GYS2: variants seen among roughly 807,000 people sequenced by gnomAD.
GYS2 encodes the protein glycogen synthase 2, also known as glycogen [starch] synthase, liver.
In GYS2, 80 loss-of-function variants were observed where a neutral mutation model predicts 85.6. The ratio of observed to expected loss-of-function variants is 0.93; its 90% CI spans 0.78 to 1.13. The LOEUF (loss-of-function observed/expected upper bound fraction) is 1.13. Among genes scored for constraint, GYS2 ranks in the 50% most tolerant of loss-of-function variants. GYS2 has a pLI of 0.00. For missense variants in GYS2, 881 were observed against 854.9 expected, an observed-to-expected ratio of 1.03 and a Z score of -0.38; for synonymous variants, 328 against 300.7, an observed-to-expected ratio of 1.09 and a Z score of -0.94.
At chr12:21,584,198 G>T (rs1276016673) in intron 1 of GYS2, among the ~76,000 whole-genome samples, 1 of 152,200 alleles carries the variant, frequency 6.6e-6, no homozygotes, top group African/African-American at 2.4e-5. Flanking sequence ...AGGAGAAATG[G>T]CCAGATTTGC....
At chr12:21,573,900 A>G (rs966722519) in intron 4 of GYS2, among the ~76,000 whole-genome samples, 1 of 152,212 alleles carries the variant, frequency 6.6e-6, no homozygotes, top group Admixed American at 6.5e-5. Flanking sequence ...TCCCTCTGGA[A>G]CTATTGTTCC....
chr12:21,574,130 G>C lies in GYS2; in HGVS notation c.678+14C>G, dbSNP rs1445120010. 1.3e-6 allele frequency: 2 copies of C among 1,581,168 alleles called. No individual in the cohort carries two copies. The highest frequency in any genetic ancestry group is 1.7e-6 in the Non-Finnish European group (2 of 1,150,136). ...AGAAGGGTGAGTAAGAGGGAGGGAG[G>C]AAGGAATATTTACCTTATCAAGATG... On this transcript the variant is annotated intron_variant, in intron 4 of 15. Coordinates refer to ENST00000261195, the MANE Select transcript of GYS2 (RefSeq NM_021957.4).
In GYS2 at chr12:21,577,769, T is replaced by C. The variant is rs1458906537; in HGVS notation, c.304-1712A>G. The stretch of plus-strand genomic sequence containing the variant: ...TTTTCACCCCCAGAAACTATATTCC[T>C]GGGATGAGTAGGAAGGAAAGTTACT... On this transcript the variant is annotated intron_variant, in intron 2 of 15. Transcript: ENST00000261195. 3.3e-5 allele frequency among the ~76,000 whole-genome samples: 5 copies of C among 152,286 alleles called. No individual in the cohort carries two copies. The East Asian group carries it at 9.7e-4, about 29-fold the overall frequency.
At chr12:21,546,647 C>T (rs1262183893) in intron 11 of GYS2, among the ~76,000 whole-genome samples, 177 bp from the exon 12 acceptor site, 1 of 152,186 alleles carries the variant, frequency 6.6e-6, no homozygotes, top group Admixed American at 6.5e-5. Flanking sequence ...TTGTTCTCCT[C>T]TCTCCATTCT....
intron 1 of GYS2, among the ~76,000 whole-genome samples, chr12:21,600,410 G>GA (rs2136937761): frequency 6.6e-6 from 1 of 152,222 alleles, no homozygotes; most frequent in African/African-American, 2.4e-5. Context: ...TTACAGGTGT[G>GA]AATCACCATG....
At chr12:21,595,017 T>C (rs976498023) in intron 1 of GYS2, among the ~76,000 whole-genome samples, 1 of 152,086 alleles carries the variant, frequency 6.6e-6, no homozygotes, top group African/African-American at 2.4e-5. Context: ...GTTCAAGAAA[T>C]GGTGCTGAAA....
intron 11 of GYS2, among the ~76,000 whole-genome samples, chr12:21,556,775 C>G (rs982146422): frequency 6.6e-6 from 1 of 152,176 alleles, no homozygotes; most frequent in Non-Finnish European, 1.5e-5. Context: ...CTTTCTTACT[C>G]CCAGTATCCA....
At chr12:21,581,173 C>T (rs1005549519) in intron 1 of GYS2, among the ~76,000 whole-genome samples, 7 of 152,190 alleles carry the variant, frequency 4.6e-5, no homozygotes, top group African/African-American at 1.4e-4. Flanking sequence ...GTATTTCTCT[C>T]TTCCTAGTAA....
At chr12:21,537,397 TATATAC>T in intron 15 of GYS2, 1 of 568,452 alleles carries the variant, frequency 1.8e-6, no homozygotes, top group South Asian at 2.1e-5. Context: ...TGCTAAGTGT[TATATAC>T]ATATTATTAT....
At position 21,568,978 on chromosome 12, in the gene GYS2, T is replaced by C. The variant is rs765197647; in HGVS notation, c.710A>G (p.Gln237Arg). The C allele has an allele frequency of 6.2e-7, 1 of 1,614,128 alleles. No individual in the cohort carries two copies. The highest frequency in any genetic ancestry group is 8.5e-7 in the Non-Finnish European group (1 of 1,179,952). Reference sequence around the variant, plus strand: ...CTCCATGCAGTACCGGTGGTAAATCTGCCTTTCCCCAGCCTCTTTGTCAAT... The same window carrying C: ...CTCCATGCAGTACCGGTGGTAAATCCGCCTTTCCCCAGCCTCTTTGTCAAT... ...FNIDKEAGERQIYHRYCMERA... is the reference protein window; with the variant it reads ...FNIDKEAGERRIYHRYCMERA... The change falls in exon 5 of 16, where the codon CAG (glutamine) becomes CGG (arginine). Residue 237 changes from glutamine to arginine, a missense_variant. Coordinates refer to ENST00000261195, the MANE Select transcript of GYS2 (RefSeq NM_021957.4).
At chr12:21,541,273 AAAAAAAAAAAAAAAAAAAC>A (rs1345701957) in intron 13 of GYS2, among the ~76,000 whole-genome samples, 1 of 136,942 alleles carries the variant, frequency 7.3e-6, no homozygotes, top group Non-Finnish European at 1.6e-5. Flanking sequence ...GTTTCCAAAA[AAAAAAAAAAAAAAAAAAAC>A]AAAAAACCCA....
intron 1 of GYS2, among the ~76,000 whole-genome samples, chr12:21,594,449 C>G (rs181207259): frequency 1.3e-5 from 2 of 152,212 alleles, no homozygotes; most frequent in East Asian, 3.9e-4. Flanking sequence ...TGTTTCTACA[C>G]ACCAATAATA....
At chr12:21,565,265 A>T (rs985387332) in intron 5 of GYS2, among the ~76,000 whole-genome samples, 1 of 150,718 alleles carries the variant, frequency 6.6e-6, no homozygotes, top group Non-Finnish European at 1.5e-5. Flanking sequence ...AGAGATAGAT[A>T]ATTTTAGTGT....
chr12:21,537,669 T>C (rs1345428248), intron 15 of GYS2, among the ~76,000 whole-genome samples: 3 of 152,240 alleles, frequency 2.0e-5, no homozygotes, highest in African/African-American at 7.2e-5. Flanking sequence ...ATGCCATGGA[T>C]GGCCACCACT....
intron 7 of GYS2, among the ~76,000 whole-genome samples, chr12:21,562,415 A>G (rs1348397942): frequency 2.6e-5 from 4 of 152,122 alleles, no homozygotes; most frequent in African/African-American, 9.7e-5. Flanking sequence ...GAGGAGAGTG[A>G]TGGTCAGAGC....
chr12:21,571,258 T>G lies in GYS2; in HGVS notation c.679-2249A>C, dbSNP rs367861932. Among the ~76,000 whole-genome samples, 243 of 152,306 alleles carry G rather than the reference T, an allele frequency of 1.6e-3. 13 individuals are homozygous for G. The South Asian group carries it at 0.049, about 30-fold the overall frequency. The stretch of plus-strand genomic sequence containing the variant: ...TTAGGTCTGTAGTACGCGTGGCCAC[T>G]CCTGTGGCTTTACAGAAACCTTATC... On this transcript the variant is annotated intron_variant, in intron 4 of 15. Coordinates refer to ENST00000261195, the MANE Select transcript of GYS2 (RefSeq NM_021957.4).
chr12:21,544,980 A>G (rs1282793409), intron 12 of GYS2, among the ~76,000 whole-genome samples: 2 of 152,182 alleles, frequency 1.3e-5, no homozygotes, highest in Admixed American at 6.5e-5. Flanking sequence ...ATAAAGATGC[A>G]AATAATAGAA....
At chr12:21,544,150 G>C (rs1379913283) in intron 12 of GYS2, among the ~76,000 whole-genome samples, 2 of 152,138 alleles carry the variant, frequency 1.3e-5, no homozygotes, top group Non-Finnish European at 2.9e-5. Context: ...AAAAACATTA[G>C]CAAGTTATCT....
At chr12:21,559,585 C>T (rs1944226238) in intron 9 of GYS2, 66 bp downstream of exon 9, 1 of 900,454 alleles carries the variant, frequency 1.1e-6, no homozygotes, top group South Asian at 1.3e-5. Context: ...GTTATGATGT[C>T]TAAATTGTTA....
Sources: gnomAD v4.1 joint callset for allele counts (sites outside exome capture counted in the v4.1 genomes callset) on GRCh38, gnomAD v4.1.1 for gene constraint, MANE v1.5 for transcripts, NCBI Gene and HGNC (gene_info 2026-07-23, HGNC 2026-07-21) for gene names.